PACRGL: variants seen among roughly 807,000 people sequenced by gnomAD.
PACRGL encodes PACRG-like protein.
Under a neutral mutation model 34.5 loss-of-function variants are expected in PACRGL, and 38 were observed. The ratio of observed to expected loss-of-function variants is 1.10; its 90% CI spans 0.85 to 1.44. The LOEUF is 1.44. Among genes scored for constraint, PACRGL ranks in the 40% most tolerant of loss-of-function variants. The pLI, the probability that PACRGL is intolerant of heterozygous loss-of-function variation, is 0.00. For synonymous variants in PACRGL, 128 were observed against 100.1 expected, an observed-to-expected ratio of 1.28 and a Z score of -1.66; for missense variants, 305 against 281.4, an observed-to-expected ratio of 1.08 and a Z score of -0.60.
chr4:20,762,468 A>G, the PACRGL span, among the ~76,000 whole-genome samples: 1 of 152,188 alleles, frequency 6.6e-6, no homozygotes, highest in South Asian at 2.1e-4. Flanking sequence ...TATTGAAACT[A>G]GTGCATTTTT....
chr4:20,760,948 G>A, the PACRGL span, among the ~76,000 whole-genome samples: 1 of 152,198 alleles, frequency 6.6e-6, no homozygotes, highest in Non-Finnish European at 1.5e-5. Flanking sequence ...GGATAGTTCT[G>A]TAAGGGTGTT....
intron 3 of PACRGL, among the ~76,000 whole-genome samples, chr4:20,705,991 A>G (rs1257755797): frequency 2.6e-5 from 4 of 151,052 alleles, no homozygotes; most frequent in African/African-American, 9.8e-5. Context: ...ATTTATGCAC[A>G]TTAATATTTT....
chr4:20,730,039 A>C lies in PACRGL; in HGVS notation c.*2698A>C, dbSNP rs765980634. The C allele has an allele frequency of 5.7e-6, 9 of 1,587,456 alleles. No homozygotes were observed. Among genetic ancestry groups the C allele is most frequent in the South Asian group, 1.2e-5 (1 of 85,864 alleles). ...TAGCTCCAACTTTAAGGGTGGTAGA[A>C]TAGTTCACATTTGTCTGTTGGATTC... On this transcript the variant is annotated 3_prime_UTR_variant, in exon 9 of 9. Coordinates refer to ENST00000503585, the MANE Select transcript of PACRGL (RefSeq NM_001258345.3).
chr4:20,720,429 G>T (rs1300279200), intron 7 of PACRGL, among the ~76,000 whole-genome samples: 1 of 152,092 alleles, frequency 6.6e-6, no homozygotes, highest in African/African-American at 2.4e-5. Flanking sequence ...TAGCCTCGAT[G>T]GTCTTTACAA....
At chr4:20,707,925 T>C (rs754468843) in intron 4 of PACRGL, 55 bp downstream of exon 4, 148 of 1,270,452 alleles carry the variant, frequency 1.2e-4, no homozygotes, top group Non-Finnish European at 1.7e-4. Flanking sequence ...TTGAGTAAAA[T>C]GAATACAATA....
intron 7 of PACRGL, chr4:20,716,312 T>C: frequency 3.4e-6 from 2 of 587,254 alleles, no homozygotes; most frequent in South Asian, 4.3e-5. Context: ...TTTCTTCTCC[T>C]AGTGAAGTTA....
In PACRGL at chr4:20,727,173, A is replaced by C. The variant is rs1202205453; in HGVS notation, c.691-112A>C. The C allele has an allele frequency of 7.1e-6, 6 of 847,994 alleles. No homozygotes were observed. In the African/African-American group the frequency reaches 1.0e-4, roughly 14 times the overall value. The allele number at this position is 847,994 out of a possible 1,614,324, so 52.5% of individuals were successfully genotyped here. A position where few individuals can be genotyped will look rare whatever the true frequency, so the allele number is the denominator to read the frequency against. ...CTTCTTATTTCATCATTTTGTTCTT[A>C]CCCCTTTTTGTTTGAGTTTTAGATA... On this transcript the variant is annotated intron_variant, in intron 8 of 8. Transcript: ENST00000503585.
In PACRGL at chr4:20,724,903, AT is replaced by A; in HGVS notation, c.690+17del. 1 of 1,386,082 alleles carries A rather than the reference AT, an allele frequency of 7.2e-7. No homozygotes were observed. Among genetic ancestry groups the A allele is most frequent in the South Asian group, 1.5e-5 (1 of 65,110 alleles). 85.9% of individuals were successfully genotyped at this position (1,386,082 alleles called of 1,614,324 possible). ...ATGGTGGAAGTGTAAGTAGAATATTATTCCTTAAGTCTTTTTTTTTAACTTT... is the reference window on the plus strand; with the variant it reads ...ATGGTGGAAGTGTAAGTAGAATATTATCCTTAAGTCTTTTTTTTTAACTTT... On this transcript the variant is annotated intron_variant, in intron 8 of 8. Transcript: ENST00000503585.
the PACRGL span, among the ~76,000 whole-genome samples, chr4:20,764,145 T>G: frequency 1.3e-5 from 2 of 152,148 alleles, no homozygotes; most frequent in Non-Finnish European, 1.5e-5. Flanking sequence ...AAATTTTGTC[T>G]GATTATTAGC....
At chr4:20,751,625 C>G (rs1753655079) in intron 8 of PACRGL, among the ~76,000 whole-genome samples, 1 of 152,186 alleles carries the variant, frequency 6.6e-6, no homozygotes, top group African/African-American at 2.4e-5. Flanking sequence ...GAGTAAATGC[C>G]TTTACCTTAG....
At chr4:20,705,942 TA>T (rs939314642) in intron 3 of PACRGL, among the ~76,000 whole-genome samples, 7 of 149,284 alleles carry the variant, frequency 4.7e-5, no homozygotes, top group South Asian at 2.2e-4. Context: ...ACTCTGTTGA[TA>T]AACAGGTGTG....
chr4:20,765,741 G>T, the PACRGL span, among the ~76,000 whole-genome samples: 2 of 152,120 alleles, frequency 1.3e-5, no homozygotes, highest in Non-Finnish European at 2.9e-5. Flanking sequence ...ACCCTTCACT[G>T]TGATATGATC....
chr4:20,708,310 T>TA (rs201356692), intron 4 of PACRGL, among the ~76,000 whole-genome samples: 31 of 149,912 alleles, frequency 2.1e-4, no homozygotes, highest in Middle Eastern at 3.4e-3. Context: ...GTCAGAACTT[T>TA]AAAAAAAAAA....
intron 6 of PACRGL, 171 bp from the exon 7 acceptor site, chr4:20,713,261 G>T: frequency 1.7e-6 from 1 of 600,230 alleles, no homozygotes. Flanking sequence ...TAGATGTCCT[G>T]TGTTGAAGGT....
chr4:20,713,579 A>G, intron 7 of PACRGL, 40 bp downstream of exon 7: 3 of 1,455,016 alleles, frequency 2.1e-6, no homozygotes, highest in South Asian at 1.1e-5. Context: ...GACTGTATGT[A>G]TCATGCACCA....
chr4:20,721,105 ACT>A (rs546987430), intron 7 of PACRGL, among the ~76,000 whole-genome samples: 210 of 151,082 alleles, frequency 1.4e-3, no homozygotes, highest in African/African-American at 4.6e-3. Context: ...CCTTTCTTCC[ACT>A]CGATTGAGTC....
chr4:20,707,378 T>A (rs1278362083), intron 3 of PACRGL, among the ~76,000 whole-genome samples: 1 of 152,238 alleles, frequency 6.6e-6, no homozygotes, highest in Non-Finnish European at 1.5e-5. Flanking sequence ...AATCCTTTGT[T>A]TTTTATAGAA....
chr4:20,699,163 T>C (rs1731440181), upstream of PACRGL, among the ~76,000 whole-genome samples: 1 of 152,110 alleles, frequency 6.6e-6, no homozygotes, highest in African/African-American at 2.4e-5. Context: ...ATAATAAGTC[T>C]TGAGGAAGCT....
At chr4:20,735,662 G>A (rs555403414), downstream of PACRGL, among the ~76,000 whole-genome samples, 420 of 150,820 alleles carry the variant, frequency 2.8e-3, 6 homozygotes, top group African/African-American at 9.9e-3. Flanking sequence ...TCAGCCTCCC[G>A]AGTAGCTGGG....
Sources: gnomAD v4.1 joint callset for allele counts (sites outside exome capture counted in the v4.1 genomes callset) on GRCh38, gnomAD v4.1.1 for gene constraint, MANE v1.5 for transcripts, NCBI Gene and HGNC (gene_info 2026-07-23, HGNC 2026-07-21) for gene names.